PARD3: variants seen among roughly 807,000 people sequenced by gnomAD.
The protein encoded by PARD3 is partitioning defective 3 homolog.
Under a neutral mutation model 155.4 loss-of-function variants are expected in PARD3, and 75 were observed. That is an observed-to-expected ratio of 0.48 (90% CI 0.40 to 0.58). PARD3 has a LOEUF of 0.58. Among genes scored for constraint, PARD3 ranks in the 20% least tolerant of loss-of-function variants. The pLI is 0.00. For synonymous variants in PARD3, 576 were observed against 610.5 expected, an observed-to-expected ratio of 0.94 and a Z score of 0.83; for missense variants, 1,642 against 1,721.7, an observed-to-expected ratio of 0.95 and a Z score of 0.82.
At chr10:34,274,351 G>A (rs2133879949) in intron 21 of PARD3, among the ~76,000 whole-genome samples, 1 of 152,264 alleles carries the variant, frequency 6.6e-6, no homozygotes, top group East Asian at 1.9e-4. Flanking sequence ...CTAAATACTA[G>A]CTATCCATAA....
Position 34,734,322 on chromosome 10 carries a change from C to CTTT in PARD3, c.121-37906_121-37904dup, listed in dbSNP as rs142307338. Among the ~76,000 whole-genome samples, 27 of 68,006 alleles carry CTTT rather than the reference C, an allele frequency of 4.0e-4. 3 individuals carry two copies. The highest frequency in any genetic ancestry group is 8.4e-4 in the African/African-American group (14 of 16,704). The allele number at this position is 68,006 out of a possible 152,430, so 44.6% of individuals were successfully genotyped here. ...ACACATATAACAAATATATGGGGCC[C>CTTT]TTTTTTTTTTTTTTTTTTTTTTTTT... On this transcript the variant is annotated intron_variant, in intron 1 of 24. Transcript: ENST00000374788.
chr10:34,719,352 A>T (rs2094569066), intron 1 of PARD3, among the ~76,000 whole-genome samples: 2 of 152,180 alleles, frequency 1.3e-5, no homozygotes. Context: ...TTTAATTCTA[A>T]AATTTTAAGG....
chr10:34,677,489 AAAAAG>A (rs1200255217), intron 2 of PARD3, among the ~76,000 whole-genome samples: 1 of 152,092 alleles, frequency 6.6e-6, no homozygotes, highest in African/African-American at 2.4e-5. Flanking sequence ...CAAAAAAAAA[AAAAAG>A]AAAAGAAACT....
intron 2 of PARD3, among the ~76,000 whole-genome samples, chr10:34,585,975 G>A (rs576950438): frequency 4.6e-5 from 7 of 152,060 alleles, no homozygotes; most frequent in African/African-American, 1.7e-4. Flanking sequence ...AAAAAATGCA[G>A]GTTATTCCAG....
intron 22 of PARD3, among the ~76,000 whole-genome samples, chr10:34,156,119 T>C (rs1948993674): frequency 6.6e-6 from 1 of 152,196 alleles, no homozygotes; most frequent in Admixed American, 6.5e-5. Context: ...CTGATTATTA[T>C]TGTTTTTAGA....
chr10:34,596,168 C>A (rs1473100064), intron 2 of PARD3, among the ~76,000 whole-genome samples: 1 of 152,132 alleles, frequency 6.6e-6, no homozygotes, highest in South Asian at 2.1e-4. Context: ...TGAGATTCAG[C>A]ATGCCTGTGG....
chr10:34,762,069 A>G (rs376429847), intron 1 of PARD3, among the ~76,000 whole-genome samples: 3 of 152,206 alleles, frequency 2.0e-5, no homozygotes, highest in African/African-American at 7.2e-5. Context: ...TGACATTGAA[A>G]TAAGTTGGTC....
chr10:34,692,899 A>C (rs2094096532), intron 2 of PARD3, among the ~76,000 whole-genome samples: 1 of 152,196 alleles, frequency 6.6e-6, no homozygotes, highest in South Asian at 2.1e-4. Flanking sequence ...AAGAACAAGA[A>C]CAGACGCTTT....
chr10:34,523,799 G>A (rs1378471338), intron 2 of PARD3, among the ~76,000 whole-genome samples: 3 of 152,210 alleles, frequency 2.0e-5, no homozygotes, highest in African/African-American at 7.2e-5. Context: ...TAAGTTTGAA[G>A]TCAGGCTGTT....
intron 4 of PARD3, among the ~76,000 whole-genome samples, chr10:34,468,619 C>T (rs2078156714): frequency 6.6e-6 from 1 of 152,146 alleles, no homozygotes; most frequent in Non-Finnish European, 1.5e-5. Flanking sequence ...TCCAATATGG[C>T]TCCTCAACAC....
At chr10:34,254,069 G>A (rs1954492215) in intron 22 of PARD3, among the ~76,000 whole-genome samples, 1 of 152,150 alleles carries the variant, frequency 6.6e-6, no homozygotes, top group South Asian at 2.1e-4. Context: ...ACTTGTACCT[G>A]ATGAATACAA....
chr10:34,489,265 A>G (rs1176807175), intron 3 of PARD3, among the ~76,000 whole-genome samples: 1 of 152,122 alleles, frequency 6.6e-6, no homozygotes. Flanking sequence ...GAATCGTTTG[A>G]ACTGGAAGGC....
intron 3 of PARD3, among the ~76,000 whole-genome samples, chr10:34,506,934 T>C (rs2081105471): frequency 6.6e-6 from 1 of 152,220 alleles, no homozygotes. Flanking sequence ...GCTGCTGCAC[T>C]GCCGCCGCCT....
rs1564748957 is a variant in PARD3 at position 34,470,237 on chromosome 10, T to C, written c.430A>G (p.Ser144Gly). Residue 144 changes from serine to glycine, a missense_variant, in exon 4 of 25, where the codon AGT becomes GGT. Physicochemically the swap from Ser to Gly is moderately conservative, Grantham distance 56. Around this residue, in one of 3 missense-constraint regions of PARD3, gnomAD observed 1,529 missense variants for 1,587.3 expected, o/e 0.96. Transcript: ENST00000374788. ...ANMPLHVRRS[S>G]DPALIGLSTS... ...GAGAGGCCAATTAGAGCTGGGTCACTACTGCGTCGAACATGAAGAGGCATA... is the reference window on the plus strand; with the variant it reads ...GAGAGGCCAATTAGAGCTGGGTCACCACTGCGTCGAACATGAAGAGGCATA... 6.2e-7 allele frequency: 1 copy of C among 1,608,746 alleles called. No homozygotes were observed. Among genetic ancestry groups the C allele is most frequent in the Non-Finnish European group, 8.5e-7 (1 of 1,177,234 alleles).
intron 5 of PARD3, among the ~76,000 whole-genome samples, chr10:34,436,962 A>G (rs1392921967): frequency 1.3e-5 from 2 of 152,172 alleles, no homozygotes; most frequent in Non-Finnish European, 2.9e-5. Flanking sequence ...CGGGGAGGAG[A>G]GCTAGCTAAT....
In PARD3 at chr10:34,553,633, C is replaced by T. The variant is rs368125370; in HGVS notation, c.223-36474G>A. ...GAGCAAATCACAACTAAAGACAACT[C>T]GGGATGAAAACAGAAGCACAAAACA... On this transcript the variant is annotated intron_variant, in intron 2 of 24. Coordinates refer to ENST00000374788, the MANE Select transcript of PARD3 (RefSeq NM_001184785.2). Among the ~76,000 whole-genome samples the T allele has an allele frequency of 4.1e-4, 62 of 152,104 alleles. 1 individual carries two copies. In the South Asian group the frequency reaches 0.011, roughly 28 times the overall value.
At chr10:34,157,837 T>C (rs1402253281) in intron 22 of PARD3, among the ~76,000 whole-genome samples, 1 of 152,180 alleles carries the variant, frequency 6.6e-6, no homozygotes, top group Non-Finnish European at 1.5e-5. Context: ...GAAAGAGATG[T>C]TGGAAAATTA....
intron 23 of PARD3, among the ~76,000 whole-genome samples, chr10:34,126,798 G>A (rs918610059): frequency 3.5e-5 from 5 of 142,548 alleles, no homozygotes; most frequent in Admixed American, 7.2e-5. Context: ...AATAGAGCAA[G>A]ATCTCAGTTT....
intron 22 of PARD3, among the ~76,000 whole-genome samples, chr10:34,231,141 T>A (rs1265235231): frequency 6.6e-6 from 1 of 151,848 alleles, no homozygotes; most frequent in Non-Finnish European, 1.5e-5. Context: ...GACATCCACA[T>A]ATATATACAT....
Sources: gnomAD v4.1 joint callset for allele counts (sites outside exome capture counted in the v4.1 genomes callset) on GRCh38, gnomAD v4.1.1 for gene constraint, gnomAD v4.1.1 regional missense constraint, MANE v1.5 for transcripts, NCBI Gene and HGNC (gene_info 2026-07-23, HGNC 2026-07-21) for gene names.